The following CTNND1 variants were observed in gnomAD, a reference collection of about 807,000 sequenced individuals.
CTNND1 encodes catenin delta 1, also known as catenin delta-1.
Under a neutral mutation model 112.1 loss-of-function variants are expected in CTNND1, and 16 were observed. That is an observed-to-expected ratio of 0.14 (90% CI 0.10 to 0.22). The LOEUF (loss-of-function observed/expected upper bound fraction) is 0.22. Among genes scored for constraint, CTNND1 ranks in the 10% least tolerant of loss-of-function variants. The pLI, the probability that CTNND1 is intolerant of heterozygous loss-of-function variation, is 1.00. For synonymous variants in CTNND1, 420 were observed against 446.5 expected (o/e 0.94, Z 0.75); for missense variants, 1,008 against 1,257.0 (o/e 0.80, Z 3.00).
Position 57,774,857 on chromosome 11 carries a change from C to T in CTNND1, c.-214+12738C>T, listed in dbSNP as rs1953750681. 4.6e-5 allele frequency among the ~76,000 whole-genome samples: 7 copies of T among 151,978 alleles called. 1 individual carries two copies. The South Asian group carries it at 1.5e-3, about 32-fold the overall frequency. On this transcript the variant is annotated intron_variant, in intron 1 of 20. Coordinates refer to ENST00000399050, the MANE Select transcript of CTNND1 (RefSeq NM_001085458.2). ...GCCTCCTGAGTAGCTGGGATTAAGG[C>T]ATGCGCCACCATACCTGCTTAATTT...
chr11:57,786,873 G>A (rs920277609), intron 1 of CTNND1, among the ~76,000 whole-genome samples: 1 of 152,090 alleles, frequency 6.6e-6, no homozygotes, highest in Non-Finnish European at 1.5e-5. Context: ...TGTGATAGTT[G>A]AGAAGAAAGC....
chr11:57,774,310 C>G (rs1478981859), intron 1 of CTNND1, among the ~76,000 whole-genome samples: 1 of 152,154 alleles, frequency 6.6e-6, no homozygotes, highest in Non-Finnish European at 1.5e-5. Flanking sequence ...TGGCATAGCT[C>G]TTTGTTCCTT....
chr11:57,793,815 A>G (rs1415203924), intron 3 of CTNND1, among the ~76,000 whole-genome samples, 195 bp from the exon 4 acceptor site: 1 of 152,176 alleles, frequency 6.6e-6, no homozygotes, highest in Non-Finnish European at 1.5e-5. Context: ...CCAGAGTTCC[A>G]GGCCTGATTT....
At chr11:57,814,460 AC>A (rs772771096) in intron 18 of CTNND1, 87 bp downstream of exon 18, 466 of 950,732 alleles carry the variant, frequency 4.9e-4, no homozygotes, top group Admixed American at 7.8e-4. Flanking sequence ...TTTTTCTAAT[AC>A]CCTTACCATT....
chr11:57,768,542 C>T (rs909616279), intron 1 of CTNND1, among the ~76,000 whole-genome samples: 4 of 151,554 alleles, frequency 2.6e-5, no homozygotes, highest in Admixed American at 6.6e-5. Context: ...TACAGGCGCC[C>T]GCCACCACGC....
In CTNND1 at chr11:57,801,707, C is replaced by G. The variant is rs199502532; in HGVS notation, c.957-26C>G. ...GCTAGCCATAATGACTTGATGTATT[C>G]TCTTGGTTCTTCCAAAACTTCTCAG... On this transcript the variant is annotated intron_variant, in intron 6 of 20. Transcript: ENST00000399050. The G allele has an allele frequency of 6.8e-5, 108 of 1,584,346 alleles. No individual in the cohort carries two copies. The East Asian group carries it at 2.4e-3, about 35-fold the overall frequency.
chr11:57,787,857 A>G (rs571859514), intron 1 of CTNND1, among the ~76,000 whole-genome samples: 1 of 152,198 alleles, frequency 6.6e-6, no homozygotes, highest in Non-Finnish European at 1.5e-5. Flanking sequence ...GTGGAAGCTA[A>G]TGTTTCTCCA....
intron 17 of CTNND1, among the ~76,000 whole-genome samples, chr11:57,811,967 C>T (rs577762935): frequency 2.0e-5 from 3 of 152,030 alleles, no homozygotes; most frequent in Non-Finnish European, 4.4e-5. Flanking sequence ...TAAATTTTTT[C>T]TTTTTCACAT....
intron 1 of CTNND1, among the ~76,000 whole-genome samples, chr11:57,786,889 A>C (rs956990527): frequency 2.6e-5 from 4 of 152,146 alleles, no homozygotes; most frequent in African/African-American, 9.7e-5. Flanking sequence ...AAAGCTCTCA[A>C]AGGTTGTAGA....
rs973998896 is a variant in CTNND1 at position 57,819,093 on chromosome 11, G to A, written c.*2785G>A. The stretch of plus-strand genomic sequence containing the variant: ...TATTTTTCTGAGGTCCTTATGTCCT[G>A]TCATATAATTAAAGACTCAAGAGAA... On this transcript the variant is annotated 3_prime_UTR_variant, in exon 21 of 21. Transcript: ENST00000399050. 7 of 151,976 alleles carry A rather than the reference G, an allele frequency of 4.6e-5. No homozygotes were observed. Among genetic ancestry groups the A allele is most frequent in the Non-Finnish European group, 1.0e-4 (7 of 67,914 alleles). 9.4% of individuals were successfully genotyped at this position (151,976 alleles called of 1,614,324 possible).
chr11:57,762,150 T>G (rs183926740), intron 1 of CTNND1, 31 bp downstream of exon 1: 42 of 937,470 alleles, frequency 4.5e-5, no homozygotes, highest in Admixed American at 1.9e-4. Flanking sequence ...AACGGGAGAG[T>G]CTGTTATGCT....
intron 9 of CTNND1, 135 bp downstream of exon 9, chr11:57,804,915 T>G: frequency 1.5e-6 from 1 of 647,950 alleles, no homozygotes; most frequent in Non-Finnish European, 2.6e-6. Flanking sequence ...CCCCTTATTT[T>G]TGAGACAGAG....
intron 1 of CTNND1, among the ~76,000 whole-genome samples, chr11:57,785,799 G>A (rs930011815): frequency 4.6e-5 from 7 of 151,688 alleles, no homozygotes; most frequent in African/African-American, 1.5e-4. Flanking sequence ...CGCTCACCTC[G>A]GCCTCCCAAA....
chr11:57,797,176 CTA>C (rs953651713), intron 6 of CTNND1, among the ~76,000 whole-genome samples, 184 bp downstream of exon 6: 2 of 147,256 alleles, frequency 1.4e-5, no homozygotes, highest in African/African-American at 2.5e-5. Context: ...TATTGACTTG[CTA>C]TATATATATA....
At chr11:57,768,656 G>A in intron 1 of CTNND1, among the ~76,000 whole-genome samples, 1 of 151,992 alleles carries the variant, frequency 6.6e-6, no homozygotes, top group East Asian at 1.9e-4. Flanking sequence ...ACCTCCCAAA[G>A]TGCTGGGATT....
At chr11:57,807,752 G>A (rs1228232910) in intron 12 of CTNND1, among the ~76,000 whole-genome samples, 1 of 151,950 alleles carries the variant, frequency 6.6e-6, no homozygotes, top group Non-Finnish European at 1.5e-5. Context: ...ATCTATAATG[G>A]ACCCTTGTAG....
Position 57,791,679 on chromosome 11 carries a change from C to A in CTNND1, c.195+6C>A. ...CACTCACCCGCCGGCATCAGGTAAC[C>A]CCTCTCTCCATCAGACGTGCAGGTA... On this transcript the variant is annotated splice_donor_region_variant and intron_variant, in intron 3 of 20. Transcript: ENST00000399050. The A allele has an allele frequency of 6.5e-7, 1 of 1,544,024 alleles. No homozygotes were observed. Among genetic ancestry groups the A allele is most frequent in the South Asian group, 1.2e-5 (1 of 82,776 alleles).
At position 57,816,201 on chromosome 11, in the gene CTNND1, C is replaced by T. The variant is rs1565388642; in HGVS notation, c.2896-96C>T. ...TGGTGATCTGATTCTCCGTTATGTG[C>T]TGCTTTCCTTTCTCCAGATTTGCTC... On this transcript the variant is annotated intron_variant, in intron 20 of 20. Transcript: ENST00000399050. 2.8e-6 allele frequency: 4 copies of T among 1,448,796 alleles called. No individual in the cohort carries two copies. In the South Asian group the frequency reaches 4.6e-5, roughly 17 times the overall value. The allele number at this position is 1,448,796 out of a possible 1,614,324, so 89.7% of individuals were successfully genotyped here.
chr11:57,775,041 A>G (rs1041693815), intron 1 of CTNND1, among the ~76,000 whole-genome samples: 1 of 150,338 alleles, frequency 6.7e-6, no homozygotes, highest in Non-Finnish European at 1.5e-5. Flanking sequence ...TTTTTAAGAC[A>G]TGAATTCCCA....
Sources: allele counts gnomAD v4.1 joint callset (sites outside exome capture counted in the v4.1 genomes callset), GRCh38; gene constraint gnomAD v4.1.1; transcripts MANE v1.5; gene names NCBI Gene and HGNC (gene_info 2026-07-23, HGNC 2026-07-21).